Variants in DROSHA observed in about 807,000 individuals in gnomAD.
DROSHA encodes drosha ribonuclease III, also known as ribonuclease 3.
DROSHA carries 56 observed loss-of-function variants against 181.9 expected under a neutral mutation model. That is an observed-to-expected ratio of 0.31 (90% CI 0.25 to 0.38). The LOEUF (loss-of-function observed/expected upper bound fraction) is 0.38. Ranked by LOEUF, DROSHA falls within the 10% of genes least tolerant of loss-of-function variation. The pLI is 1.00. For missense variants in DROSHA, 1,218 were observed against 1,743.5 expected (o/e 0.70, Z 5.37); for synonymous variants, 524 against 591.2 (o/e 0.89, Z 1.65).
intron 8 of DROSHA, among the ~76,000 whole-genome samples, chr5:31,511,950 C>T (rs760533672): frequency 2.5e-4 from 38 of 151,384 alleles, no homozygotes; most frequent in Non-Finnish European, 3.7e-4. Flanking sequence ...CACACACACA[C>T]TCTCATGCCT....
rs1309311700 is a variant in DROSHA, at chr5:31,411,780, A to G, written c.3526-893T>C. ...TAGCTGTGACTATAGGCACCTGCCA[A>G]CATGCCCAGCTAATTTTTGTATTTT... On this transcript the variant is annotated intron_variant, in intron 30 of 35. Coordinates refer to ENST00000344624, the MANE Select transcript of DROSHA (RefSeq NM_001382508.1). This position sits in a 1 kb window ranked among gnomAD's most constrained non-coding sequence, Gnocchi z 4.2. Among the ~76,000 whole-genome samples, 1 of 151,978 alleles carries G rather than the reference A, an allele frequency of 6.6e-6. No homozygotes were observed. The highest frequency in any genetic ancestry group is 2.4e-5 in the African/African-American group (1 of 41,380).
At position 31,493,194 on chromosome 5, in the gene DROSHA, G is replaced by A; in HGVS notation, c.1842+13C>T. ...CAAGGAAAGAGAAAAGCAGCCAACT[G>A]GCACATACTTACATTGGTCAGGGGG... On this transcript the variant is annotated intron_variant, in intron 13 of 35. Transcript: ENST00000344624. The A allele has an allele frequency of 6.3e-7, 1 of 1,599,500 alleles. No homozygotes were observed. The highest frequency in any genetic ancestry group is 8.5e-7 in the Non-Finnish European group (1 of 1,173,866).
intron 10 of DROSHA, among the ~76,000 whole-genome samples, chr5:31,508,349 C>T (rs1738240239): frequency 6.6e-6 from 1 of 152,212 alleles, no homozygotes; most frequent in African/African-American, 2.4e-5. Flanking sequence ...CCATGTGTCT[C>T]CTTCCATCTA....
chr5:31,431,742 A>C, intron 25 of DROSHA, 64 bp from the exon 26 acceptor site: 1 of 1,502,624 alleles, frequency 6.7e-7, no homozygotes, highest in Non-Finnish European at 9.3e-7. Context: ...ATAGTAACTC[A>C]GCATCTCTTG....
At chr5:31,488,182 T>C (rs1429298892) in intron 13 of DROSHA, among the ~76,000 whole-genome samples, 2 of 151,890 alleles carry the variant, frequency 1.3e-5, no homozygotes, top group African/African-American at 4.9e-5. Context: ...TTTGGGAGGC[T>C]GAGCAGCGTG....
chr5:31,465,148 A>C (rs1561203896), intron 19 of DROSHA, among the ~76,000 whole-genome samples: 1 of 152,192 alleles, frequency 6.6e-6, no homozygotes, highest in Non-Finnish European at 1.5e-5. Flanking sequence ...CCTAAATCAC[A>C]GTAAGTGACA....
At chr5:31,457,894 A>G (rs28530653) in intron 20 of DROSHA, among the ~76,000 whole-genome samples, 3,021 of 152,276 alleles carry the variant, frequency 0.02, 93 homozygotes, top group African/African-American at 0.069. Context: ...CCCTGACTCA[A>G]TCAATCTGTC....
intron 13 of DROSHA, 96 bp downstream of exon 13, chr5:31,493,111 T>G: frequency 1.6e-6 from 2 of 1,244,884 alleles, no homozygotes; most frequent in Non-Finnish European, 2.3e-6. Flanking sequence ...GAAATGTTTC[T>G]TAGGAGGCAG....
Position 31,515,387 on chromosome 5 carries a change from T to C in DROSHA, c.1058+67A>G. ...ACTCCCAAATACCAGTCTGGTGGCA[T>C]CAGAATCACCTGAAGTTTACTTGTT... is the stretch of plus-strand genomic sequence containing the variant. On this transcript the variant is annotated intron_variant, in intron 7 of 35. Coordinates refer to ENST00000344624, the MANE Select transcript of DROSHA (RefSeq NM_001382508.1). 3.9e-6 allele frequency: 4 copies of C among 1,026,512 alleles called. No homozygotes were observed. The South Asian group carries it at 4.7e-5, about 12-fold the overall frequency. 63.6% of individuals were successfully genotyped at this position (1,026,512 alleles called of 1,614,324 possible). A position where few individuals can be genotyped will look rare whatever the true frequency, so the allele number is the denominator to read the frequency against.
chr5:31,461,925 T>C (rs1281384361), intron 20 of DROSHA, among the ~76,000 whole-genome samples: 1 of 152,156 alleles, frequency 6.6e-6, no homozygotes, highest in Non-Finnish European at 1.5e-5. Flanking sequence ...ATATTTAATA[T>C]GTCAAAATAA....
At chr5:31,401,881 A>G (rs936806172) in intron 35 of DROSHA, among the ~76,000 whole-genome samples, 4 of 152,208 alleles carry the variant, frequency 2.6e-5, no homozygotes, top group Non-Finnish European at 5.9e-5. Context: ...CAGGTGCTTT[A>G]GCATCACTCT....
At chr5:31,417,416 G>C (rs1185488321) in intron 30 of DROSHA, among the ~76,000 whole-genome samples, 2 of 152,122 alleles carry the variant, frequency 1.3e-5, no homozygotes, top group Non-Finnish European at 2.9e-5. Context: ...AATGTAATCC[G>C]GCTTCTCTTT....
rs761719591 is a variant in DROSHA, at chr5:31,526,241, T to C, written c.692A>G (p.His231Arg). ...CCCATGACTGTGATCTCGGTGCCTG[T>C]GGTCATCATAGTGTTTCAGCCTTTC... ...SPERLKHYDD[H>R]RHRDHSHGRG... Residue 231 changes from histidine to arginine, a missense_variant, in exon 5 of 36, where the codon CAC becomes CGC. Coordinates refer to ENST00000344624, the MANE Select transcript of DROSHA (RefSeq NM_001382508.1). 1 of 1,613,920 alleles carries C rather than the reference T, an allele frequency of 6.2e-7. No homozygotes were observed. The highest frequency in any genetic ancestry group is 1.1e-5 in the South Asian group (1 of 91,052).
At chr5:31,521,276 T>C in intron 5 of DROSHA, 61 bp from the exon 6 acceptor site, 1 of 1,547,672 alleles carries the variant, frequency 6.5e-7, no homozygotes, top group Non-Finnish European at 8.9e-7. Flanking sequence ...ACCATCTCTT[T>C]TCACTGAATT....
In DROSHA at chr5:31,526,229, T is replaced by C. The variant is rs1370055307; in HGVS notation, c.704A>G (p.Asp235Gly). The change falls in exon 5 of 36, where the codon GAT (aspartate) becomes GGT (glycine). Residue 235 changes from aspartate (D) to glycine (G), a missense_variant. Physicochemically the swap from Asp to Gly is moderately conservative, Grantham distance 94 (BLOSUM62 -1). Around this residue, in one of 8 missense-constraint regions of DROSHA, gnomAD observed 536 missense variants for 535.4 expected, o/e 1.00. Transcript: ENST00000344624. ...CCTCTCACCTCGCCCATGACTGTGA[T>C]CTCGGTGCCTGTGGTCATCATAGTG... ...LKHYDDHRHR[D>G]HSHGRGERHR... 1.9e-6 allele frequency: 3 copies of C among 1,613,774 alleles called. No individual in the cohort carries two copies. The African/African-American group carries it at 4.0e-5, about 22-fold the overall frequency.
intron 16 of DROSHA, among the ~76,000 whole-genome samples, chr5:31,479,460 C>A (rs188367893): frequency 9.2e-5 from 14 of 152,038 alleles, no homozygotes; most frequent in African/African-American, 3.4e-4. Flanking sequence ...ATATCTCATA[C>A]GAATTGTGAA....
In DROSHA at chr5:31,511,172, T is replaced by A; in HGVS notation, c.1295A>T (p.Asp432Val). ...YSSDPMDQVG[D>V]STVVGTSRLR... ...CCTACTCGTTCCAACCACTGTAGAA[T>A]CTCCCTTTTAAAAATAAAGGATCAA... Residue 432 changes from aspartate to valine, a missense_variant, in exon 9 of 36, where the codon GAT (aspartate) becomes GTT (valine). Coordinates refer to ENST00000344624, the MANE Select transcript of DROSHA (RefSeq NM_001382508.1). 6.2e-7 allele frequency: 1 copy of A among 1,612,708 alleles called. No homozygotes were observed. Among genetic ancestry groups the A allele is most frequent in the South Asian group, 1.1e-5 (1 of 90,740 alleles).
At chr5:31,486,669 T>A (rs1751803576) in intron 13 of DROSHA, 107 bp from the exon 14 acceptor site, 9 of 839,488 alleles carry the variant, frequency 1.1e-5, no homozygotes, top group South Asian at 8.8e-5. Context: ...TGAGAAGGCT[T>A]CACCTTCATC....
At chr5:31,475,179 A>G (rs1475819582) in intron 16 of DROSHA, among the ~76,000 whole-genome samples, 4 of 152,116 alleles carry the variant, frequency 2.6e-5, no homozygotes, top group Non-Finnish European at 5.9e-5. Flanking sequence ...TTAGCCAGGC[A>G]TGGTGGTACA....
Sources: allele counts gnomAD v4.1 joint callset (sites outside exome capture counted in the v4.1 genomes callset), GRCh38; gene constraint gnomAD v4.1.1; regional missense constraint gnomAD v4.1.1; non-coding constraint Gnocchi (gnomAD v3.1); transcripts MANE v1.5; gene names NCBI Gene and HGNC (gene_info 2026-07-23, HGNC 2026-07-21).